The following MTRR variants were observed in gnomAD, a reference collection of about 807,000 sequenced individuals.
MTRR encodes 5-methyltetrahydrofolate-homocysteine methyltransferase reductase, also known as methionine synthase reductase.
In MTRR, 63 loss-of-function variants were observed where a neutral mutation model predicts 79.2. The ratio of observed to expected loss-of-function variants is 0.80; its 90% CI spans 0.65 to 0.98. MTRR has a LOEUF of 0.98. Among genes scored for constraint, MTRR ranks in the 50% least tolerant of loss-of-function variants. MTRR has a pLI of 0.00. For synonymous variants in MTRR, 355 were observed against 313.3 expected, an observed-to-expected ratio of 1.13 and a Z score of -1.41; for missense variants, 895 against 839.6, an observed-to-expected ratio of 1.07 and a Z score of -0.82.
intron 1 of MTRR, 116 bp downstream of exon 1, chr5:7,869,331 G>A: frequency 1.6e-6 from 2 of 1,258,506 alleles, no homozygotes; most frequent in Non-Finnish European, 2.2e-6. Flanking sequence ...TGGTTCCCAC[G>A]CCCTTCGGCC....
chr5:7,865,898 C>G (rs1746912212), upstream of MTRR: 1 of 1,612,442 alleles, frequency 6.2e-7, no homozygotes, highest in African/African-American at 1.3e-5. Context: ...ATGCTTTTAC[C>G]TTATAGAAAG....
intron 3 of MTRR, 118 bp downstream of exon 3, chr5:7,873,644 TTATGTA>T (rs1748391914): frequency 1.7e-6 from 2 of 1,162,030 alleles, no homozygotes; most frequent in Non-Finnish European, 2.5e-6. Context: ...TATGTAAATA[TTATGTA>T]TATGTATATA....
intron 14 of MTRR, among the ~76,000 whole-genome samples, chr5:7,898,068 A>T (rs559463596): frequency 1.3e-5 from 2 of 152,286 alleles, no homozygotes; most frequent in East Asian, 3.9e-4. Context: ...CTTCCATTTT[A>T]TTTAGTTTGC....
At chr5:7,896,463 T>C (rs1738532479) in intron 12 of MTRR, 1 of 244,552 alleles carries the variant, frequency 4.1e-6, no homozygotes. Context: ...GATGTCTCTG[T>C]CTCATCAGTG....
rs1427975650 is a variant in MTRR at position 7,897,050 on chromosome 5, T to C, written c.1770-15T>C. On this transcript the variant is annotated splice_polypyrimidine_tract_variant and intron_variant, in intron 13 of 14. Coordinates refer to ENST00000440940, the MANE Select transcript of MTRR (RefSeq NM_002454.3). ...TTGACAACCTTTTAGTGATCCATTA[T>C]ATATTATATTTCAGAAAAGAGCTCA... 1 of 1,613,322 alleles carries C rather than the reference T, an allele frequency of 6.2e-7. No individual in the cohort carries two copies. Among genetic ancestry groups the C allele is most frequent in the South Asian group, 1.1e-5 (1 of 91,086 alleles).
Position 7,895,767 on chromosome 5 carries a change from C to T in MTRR, c.1591C>T (p.His531Tyr), listed in dbSNP as rs767321681. The T allele has an allele frequency of 8.2e-5, 133 of 1,613,992 alleles. No homozygotes were observed. The highest frequency in any genetic ancestry group is 1.1e-4 in the Non-Finnish European group (131 of 1,179,942). Residue 531 changes from histidine to tyrosine, a missense_variant, in exon 12 of 15, where the codon CAC (histidine) becomes TAC (tyrosine). Transcript: ENST00000440940. Reference protein sequence around the residue: ...SISPRTTNSFHLPDDPSIPII... With the variant: ...SISPRTTNSFYLPDDPSIPII... The stretch of plus-strand genomic sequence containing the variant: ...CTCTCCTCGAACAACAAATTCTTTC[C>T]ACTTACCAGATGACCCCTCAATCCC...
intron 4 of MTRR, among the ~76,000 whole-genome samples, chr5:7,875,947 C>T (rs1354042376): frequency 6.6e-6 from 1 of 152,160 alleles, no homozygotes; most frequent in Non-Finnish European, 1.5e-5. Context: ...CCCATTGTGC[C>T]ACCTTTCAAA....
intron 5 of MTRR, among the ~76,000 whole-genome samples, chr5:7,879,936 A>G (rs1451226532): frequency 8.5e-5 from 13 of 152,274 alleles, no homozygotes; most frequent in Non-Finnish European, 5.9e-5. Context: ...GTCACCTGGT[A>G]TTTGGGTCTC....
intron 1 of MTRR, among the ~76,000 whole-genome samples, chr5:7,854,617 G>T (rs1276685508): frequency 1.3e-5 from 2 of 152,278 alleles, no homozygotes; most frequent in Admixed American, 6.5e-5. Context: ...AAAACTATCA[G>T]ATCTCATGAG....
intron 3 of MTRR, 96 bp from the exon 4 acceptor site, chr5:7,875,162 A>G: frequency 1.1e-6 from 1 of 870,812 alleles, no homozygotes; most frequent in Non-Finnish European, 2.0e-6. Context: ...CCATAAGAGC[A>G]TGAAATAGTA....
chr5:7,875,423 TG>T (rs1291405709), intron 4 of MTRR, 48 bp downstream of exon 4: 8 of 1,406,194 alleles, frequency 5.7e-6, no homozygotes, highest in Non-Finnish European at 1.0e-6. Flanking sequence ...CTATACATGA[TG>T]GAAGTTGATT....
chr5:7,891,155 A>C (rs1328518935), intron 9 of MTRR, among the ~76,000 whole-genome samples: 1 of 152,174 alleles, frequency 6.6e-6, no homozygotes, highest in Non-Finnish European at 1.5e-5. Context: ...AGAGTAAGAA[A>C]ATGCATCTTA....
At chr5:7,866,006 C>G, upstream of MTRR, 2 of 1,581,306 alleles carry the variant, frequency 1.3e-6, no homozygotes, top group Non-Finnish European at 1.7e-6. Flanking sequence ...GCATCCCAGT[C>G]ATAGTTACGT....
At chr5:7,889,810 G>A (rs896979648) in intron 9 of MTRR, among the ~76,000 whole-genome samples, 5 of 152,156 alleles carry the variant, frequency 3.3e-5, no homozygotes, top group East Asian at 1.9e-4. Context: ...GGACTGTGTC[G>A]TACCAGTGCA....
At chr5:7,858,874 C>T (rs962797000) in intron 1 of MTRR, among the ~76,000 whole-genome samples, 7 of 151,934 alleles carry the variant, frequency 4.6e-5, no homozygotes, top group African/African-American at 1.7e-4. Flanking sequence ...TCCAATCAAA[C>T]AGCTCCCCAA....
At chr5:7,860,970 C>G (rs1458716502) in intron 1 of MTRR, among the ~76,000 whole-genome samples, 4 of 152,176 alleles carry the variant, frequency 2.6e-5, no homozygotes, top group African/African-American at 9.7e-5. Context: ...CCTATAAAAG[C>G]CTCCCTCTTG....
At chr5:7,893,110 G>C (rs763272621) in intron 11 of MTRR, 197 bp downstream of exon 11, 5 of 644,184 alleles carry the variant, frequency 7.8e-6, no homozygotes, top group Non-Finnish European at 1.3e-5. Flanking sequence ...TGTATTTTCT[G>C]AATGTATAAA....
chr5:7,897,069 G>T lies in MTRR; in HGVS notation c.1774G>T (p.Glu592Ter). ...CCATTATATATTATATTTCAGAAAA[G>T]AGCTCAGACATTTCCTTAAGCATGG... is the stretch of plus-strand genomic sequence containing the variant. ...HKDRDYLFRK[E>*]LRHFLKHGIL... Residue 592 changes from glutamate to a stop codon, truncating the protein, a stop_gained, in exon 14 of 15, where the codon GAG becomes TAG. Coordinates refer to ENST00000440940, the MANE Select transcript of MTRR (RefSeq NM_002454.3). LOFTEE classifies it high-confidence loss of function. 1 of 1,614,002 alleles carries T rather than the reference G, an allele frequency of 6.2e-7. No homozygotes were observed.
chr5:7,878,298 A>G lies in MTRR; in HGVS notation c.756A>G (p.Val252=). 6.2e-7 allele frequency: 1 copy of G among 1,614,216 alleles called. No individual in the cohort carries two copies. Among genetic ancestry groups the G allele is most frequent in the Non-Finnish European group, 8.5e-7 (1 of 1,180,024 alleles). The change falls in exon 5 of 15, where the codon GTA becomes GTG. Residue 252 remains valine, a synonymous_variant. Transcript: ENST00000440940. ...IPGLPPEYLQ[V]HLQESLGQEE... ...GTTTACCCCCAGAATATTTACAGGT[A>G]CATCTGCAGGAGTCTCTTGGCCAGG...
Sources: gnomAD v4.1 joint callset for allele counts (sites outside exome capture counted in the v4.1 genomes callset) on GRCh38, gnomAD v4.1.1 for gene constraint, MANE v1.5 for transcripts, NCBI Gene and HGNC (gene_info 2026-07-23, HGNC 2026-07-21) for gene names.